ODAD4: variants seen among roughly 807,000 people sequenced by gnomAD.
ODAD4 encodes outer dynein arm-docking complex subunit 4.
A neutral mutation model predicts 51.8 loss-of-function variants in ODAD4; 49 were observed. The observed-to-expected ratio is 0.95, with a 90% CI of 0.75 to 1.20. The LOEUF (loss-of-function observed/expected upper bound fraction) is 1.20, where lower values mean the gene tolerates loss of function less well. Ranked by LOEUF, ODAD4 falls within the 50% of genes most tolerant of loss-of-function variation. The pLI is 0.00. For synonymous variants in ODAD4, 235 were observed against 221.3 expected (o/e 1.06, Z -0.55); for missense variants, 590 against 586.5 (o/e 1.01, Z -0.06).
intron 8 of ODAD4, 65 bp from the exon 9 acceptor site, chr17:41,949,087 TG>T: frequency 2.5e-6 from 1 of 398,170 alleles, no homozygotes; most frequent in South Asian, 1.3e-4. Flanking sequence ...CAGGAAGCCT[TG>T]GCATCCTGTG....
chr17:41,953,874 C>G (rs1444271235), intron 9 of ODAD4, among the ~76,000 whole-genome samples: 5 of 151,352 alleles, frequency 3.3e-5, no homozygotes, highest in African/African-American at 1.2e-4. Flanking sequence ...ACTATGTTGC[C>G]CAGGCTGGTC....
chr17:41,930,733 C>G lies in ODAD4; in HGVS notation c.10C>G (p.Pro4Ala), dbSNP rs34516580. MSD[P>A]EGETLRSTFP... is the part of the protein sequence containing the mutation. ...TCTAAATCCGGTCACCATGTCGGAC[C>G]CCGAAGGCGAGACCTTGCGAAGCAC... is the stretch of plus-strand genomic sequence containing the variant. The change falls in exon 1 of 12, where the codon CCC (proline) becomes GCC (alanine). Residue 4 changes from proline to alanine, a missense_variant. Coordinates refer to ENST00000377540, the MANE Select transcript of ODAD4 (RefSeq NM_031421.5). 1 of 1,608,502 alleles carries G rather than the reference C, an allele frequency of 6.2e-7. No individual in the cohort carries two copies. The highest frequency in any genetic ancestry group is 8.5e-7 in the Non-Finnish European group (1 of 1,176,778).
intron 11 of ODAD4, among the ~76,000 whole-genome samples, chr17:41,964,708 A>G (rs987197990): frequency 1.3e-5 from 2 of 151,722 alleles, no homozygotes; most frequent in Non-Finnish European, 2.9e-5. Context: ...CAGTGGCTGG[A>G]TTTTGGCTCA....
intron 1 of ODAD4, among the ~76,000 whole-genome samples, chr17:41,932,921 A>C (rs936594286): frequency 1.3e-5 from 2 of 151,868 alleles, no homozygotes; most frequent in African/African-American, 4.8e-5. Flanking sequence ...TCTGCTCCAA[A>C]TTGCCCACTT....
chr17:41,958,913 C>G (rs2050768636), intron 10 of ODAD4, among the ~76,000 whole-genome samples: 1 of 151,152 alleles, frequency 6.6e-6, no homozygotes, highest in East Asian at 1.9e-4. Context: ...ACTCGGGAGG[C>G]TGAAGCAGGA....
intron 1 of ODAD4, 72 bp downstream of exon 1, chr17:41,930,909 T>TG: frequency 2.1e-6 from 2 of 946,780 alleles, no homozygotes; most frequent in South Asian, 1.6e-5. Context: ...TTTTTTTTTT[T>TG]TGTGACGGAG....
At chr17:41,951,792 G>A (rs1368484775) in intron 9 of ODAD4, among the ~76,000 whole-genome samples, 1 of 147,506 alleles carries the variant, frequency 6.8e-6, no homozygotes, top group Non-Finnish European at 1.5e-5. Context: ...GCTGAGGCAG[G>A]AGAACTGCTT....
At chr17:41,936,221 A>G (rs2050424255) in intron 3 of ODAD4, among the ~76,000 whole-genome samples, 1 of 152,186 alleles carries the variant, frequency 6.6e-6, no homozygotes. Flanking sequence ...GGAAATGGAC[A>G]GTTTCCCCTG....
Sources: allele counts gnomAD v4.1 joint callset (sites outside exome capture counted in the v4.1 genomes callset), GRCh38; gene constraint gnomAD v4.1.1; transcripts MANE v1.5; gene names NCBI Gene and HGNC (gene_info 2026-07-23, HGNC 2026-07-21).